The following NAALADL2 variants were observed in gnomAD, a reference collection of about 807,000 sequenced individuals.
NAALADL2 encodes the protein inactive N-acetylated-alpha-linked acidic dipeptidase-like protein 2.
A neutral mutation model predicts 87.2 loss-of-function variants in NAALADL2; 76 were observed. The observed-to-expected ratio is 0.87, with a 90% CI of 0.72 to 1.05. The LOEUF (loss-of-function observed/expected upper bound fraction) is 1.05. Ranked by LOEUF, NAALADL2 falls within the 50% of genes least tolerant of loss-of-function variation. The pLI, the probability that NAALADL2 is intolerant of heterozygous loss-of-function variation, is 0.00. For missense variants in NAALADL2, 1,089 were observed against 945.8 expected, an observed-to-expected ratio of 1.15 and a Z score of -1.99; for synonymous variants, 354 against 331.0, an observed-to-expected ratio of 1.07 and a Z score of -0.75.
intron 13 of NAALADL2, among the ~76,000 whole-genome samples, chr3:175,799,053 A>G (rs969091130): frequency 2.6e-5 from 4 of 152,064 alleles, no homozygotes; most frequent in African/African-American, 9.7e-5. Flanking sequence ...TTTGATAATA[A>G]TGGATTATAA....
At chr3:175,565,931 G>A (rs933967068) in intron 9 of NAALADL2, among the ~76,000 whole-genome samples, 5 of 146,810 alleles carry the variant, frequency 3.4e-5, no homozygotes, top group Admixed American at 2.1e-4. Context: ...CTGGGTTTAA[G>A]CGATTCTCCT....
intron 2 of NAALADL2, among the ~76,000 whole-genome samples, chr3:175,148,085 G>GATA (rs777909114): frequency 0.24 from 26,752 of 109,796 alleles, 2,736 homozygotes; most frequent in Non-Finnish European, 0.29. Flanking sequence ...TAATAATAAT[G>GATA]ATAATGATAA....
intron 1 of NAALADL2, among the ~76,000 whole-genome samples, chr3:175,052,313 A>T (rs551078947): frequency 1.4e-4 from 21 of 152,322 alleles, no homozygotes; most frequent in African/African-American, 4.8e-4. Flanking sequence ...GCCATCATGA[A>T]CATGTCACAG....
chr3:174,841,913 G>A (rs1040228886), intron 3 of NAALADL2, among the ~76,000 whole-genome samples: 1 of 151,946 alleles, frequency 6.6e-6, no homozygotes, highest in African/African-American at 2.4e-5. Context: ...CCTCTTGAGG[G>A]GTTTTTGCCG....
At chr3:175,474,731 GCTT>G (rs1725416095) in intron 9 of NAALADL2, among the ~76,000 whole-genome samples, 1 of 151,694 alleles carries the variant, frequency 6.6e-6, no homozygotes. Flanking sequence ...ATTCAGGACT[GCTT>G]TTCCCTACCT....
At chr3:175,028,240 G>A (rs528563642) in intron 1 of NAALADL2, among the ~76,000 whole-genome samples, 10 of 151,954 alleles carry the variant, frequency 6.6e-5, no homozygotes, top group Non-Finnish European at 1.3e-4. Flanking sequence ...GGAGTAAGTT[G>A]CTCTGAAACA....
intron 4 of NAALADL2, among the ~76,000 whole-genome samples, chr3:175,306,359 A>T (rs1178662792): frequency 2.0e-5 from 3 of 152,150 alleles, no homozygotes; most frequent in Non-Finnish European, 4.4e-5. Context: ...ACCATTAGAA[A>T]AATGTACTTA....
intron 11 of NAALADL2, among the ~76,000 whole-genome samples, chr3:175,730,481 C>T (rs1384103762): frequency 1.6e-5 from 2 of 123,272 alleles, no homozygotes; most frequent in Admixed American, 8.7e-5. Context: ...TGTGTGTGTG[C>T]GTACACTTTT....
intron 10 of NAALADL2, among the ~76,000 whole-genome samples, chr3:175,580,357 A>G (rs1719574733): frequency 6.6e-6 from 1 of 152,186 alleles, no homozygotes; most frequent in Non-Finnish European, 1.5e-5. Context: ...ACATATACAG[A>G]TGTTGGAACA....
intron 2 of NAALADL2, among the ~76,000 whole-genome samples, chr3:174,631,082 T>G (rs1407661119): frequency 2.6e-5 from 4 of 152,154 alleles, no homozygotes; most frequent in African/African-American, 7.2e-5. Context: ...CACATATTAT[T>G]ATTATCCCTT....
At chr3:175,718,150 T>C (rs1185124580) in intron 11 of NAALADL2, 1 of 1,141,754 alleles carries the variant, frequency 8.8e-7, no homozygotes, top group East Asian at 2.4e-5. Flanking sequence ...CTGTGGAAAA[T>C]GAAGACTGAT....
chr3:175,544,619 A>C (rs1712975383), intron 9 of NAALADL2, among the ~76,000 whole-genome samples: 1 of 152,160 alleles, frequency 6.6e-6, no homozygotes, highest in African/African-American at 2.4e-5. Context: ...ACTATTCTGT[A>C]CATTGGAACT....
At chr3:174,695,291 C>T (rs1728918313) in intron 2 of NAALADL2, among the ~76,000 whole-genome samples, 2 of 151,846 alleles carry the variant, frequency 1.3e-5, no homozygotes, top group Admixed American at 6.6e-5. Context: ...ATACTTAATA[C>T]AAAATAGGCA....
At chr3:174,606,600 C>G (rs1578291438) in intron 2 of NAALADL2, among the ~76,000 whole-genome samples, 3 of 151,974 alleles carry the variant, frequency 2.0e-5, no homozygotes, top group African/African-American at 4.8e-5. Context: ...TGAAATGAAG[C>G]AAGAAGGGAA....
intron 7 of NAALADL2, 80 bp downstream of exon 7, chr3:175,463,573 A>G: frequency 1.3e-6 from 1 of 745,276 alleles, no homozygotes; most frequent in Non-Finnish European, 2.1e-6. Context: ...TTAATATTAT[A>G]CTTAAATATC....
chr3:175,248,791 G>T (rs1560228926), intron 3 of NAALADL2, among the ~76,000 whole-genome samples: 4 of 152,064 alleles, frequency 2.6e-5, no homozygotes, highest in African/African-American at 9.7e-5. Flanking sequence ...TATCCATATA[G>T]TATTATTATA....
intron 11 of NAALADL2, among the ~76,000 whole-genome samples, chr3:175,646,814 C>T (rs982992482): frequency 2.0e-5 from 3 of 151,962 alleles, no homozygotes; most frequent in Admixed American, 6.6e-5. Context: ...TATAGTTTCC[C>T]CTTGTTTTCA....
At chr3:174,879,164 A>G (rs1263701987) in intron 1 of NAALADL2, among the ~76,000 whole-genome samples, 3 of 152,068 alleles carry the variant, frequency 2.0e-5, no homozygotes, top group Non-Finnish European at 4.4e-5. Context: ...CTGTCGTTAT[A>G]TATTTAGTTT....
intron 1 of NAALADL2, among the ~76,000 whole-genome samples, chr3:175,056,549 G>A: frequency 6.6e-6 from 1 of 152,122 alleles, no homozygotes; most frequent in East Asian, 1.9e-4. Flanking sequence ...ACCCAGCAGT[G>A]CTAGAGGAAT....
Sources: allele counts gnomAD v4.1 joint callset (sites outside exome capture counted in the v4.1 genomes callset), GRCh38; gene constraint gnomAD v4.1.1; transcripts MANE v1.5; gene names NCBI Gene and HGNC (gene_info 2026-07-23, HGNC 2026-07-21).